The following HAO1 variants were observed in gnomAD, a reference collection of about 807,000 sequenced individuals.
HAO1 encodes 2-Hydroxyacid oxidase 1.
In HAO1, 34 loss-of-function variants were observed where a neutral mutation model predicts 39.7. That is an observed-to-expected ratio of 0.86 (90% CI 0.65 to 1.14). HAO1 has a LOEUF of 1.14. Ranked by LOEUF, HAO1 falls within the 50% of genes most tolerant of loss-of-function variation. The probability of loss-of-function intolerance (pLI) is 0.00; values close to 1 mark genes in which losing one functional copy is unlikely to be tolerated. For synonymous variants in HAO1, 172 were observed against 173.2 expected (o/e 0.99, Z 0.05); for missense variants, 479 against 464.5 (o/e 1.03, Z -0.29).
intron 1 of HAO1, among the ~76,000 whole-genome samples, chr20:7,936,547 T>TGTGTGTGTGTGTGTG (rs751822933): frequency 1.7e-3 from 233 of 136,516 alleles, no homozygotes; most frequent in East Asian, 4.5e-3. Flanking sequence ...TGTGTGTGTG[T>TGTGTGTGTGTGTGTG]TCGCGCGCGC....
At chr20:7,939,397 A>G (rs1406633521) in intron 1 of HAO1, among the ~76,000 whole-genome samples, 1 of 152,154 alleles carries the variant, frequency 6.6e-6, no homozygotes, top group Non-Finnish European at 1.5e-5. Context: ...ACTGATTTTG[A>G]GTGATTTTGT....
rs142058686 is a variant in HAO1 at position 7,934,523 on chromosome 20, G to T, written c.250C>A (p.Arg84Ser). 9.9e-6 allele frequency: 16 copies of T among 1,611,716 alleles called. No individual in the cohort carries two copies. In the Middle Eastern group the frequency reaches 4.9e-4, roughly 50 times the overall value. ...PICVGATAMQ[R>S]MAHVDGELAT... is the part of the protein sequence containing the mutation. ...AGCTCGCCGTCCACATGAGCCATGC[G>T]CTGCATGGCCGTAGCCCCCACACAT... The change falls in exon 2 of 8, where the codon CGC (arginine) becomes AGC (serine). Residue 84 changes from arginine (R) to serine (S), a missense_variant. Transcript: ENST00000378789.
At chr20:7,917,060 C>T (rs1273648783) in intron 2 of HAO1, among the ~76,000 whole-genome samples, 1 of 152,090 alleles carries the variant, frequency 6.6e-6, no homozygotes, top group Non-Finnish European at 1.5e-5. Flanking sequence ...TATGTCCTGG[C>T]CAGGGTTGGT....
chr20:7,929,716 T>A (rs1049568253), intron 2 of HAO1, among the ~76,000 whole-genome samples: 16 of 152,046 alleles, frequency 1.1e-4, no homozygotes, highest in African/African-American at 3.9e-4. Flanking sequence ...TACAAAAAAT[T>A]AGCCAGCCGT....
Position 7,932,287 on chromosome 20 carries a change from C to T in HAO1, c.289+2197G>A, listed in dbSNP as rs569569863. ...TAAATTACCCAGTCTCGAAGAGTAT[C>T]TTTAAATCAGTGTGAGAAGGAACTA... On this transcript the variant is annotated intron_variant, in intron 2 of 7. Transcript: ENST00000378789. Among the ~76,000 whole-genome samples the T allele has an allele frequency of 1.3e-5, 2 of 152,282 alleles. 1 individual carries two copies. Among genetic ancestry groups the T allele is most frequent in the African/African-American group, 4.8e-5 (2 of 41,566 alleles).
intron 3 of HAO1, among the ~76,000 whole-genome samples, chr20:7,911,358 C>A (rs2050278691): frequency 6.6e-6 from 1 of 152,204 alleles, no homozygotes; most frequent in African/African-American, 2.4e-5. Flanking sequence ...TTACCTTGAT[C>A]TTAGTCAATG....
At chr20:7,921,376 A>G (rs1478661080) in intron 2 of HAO1, among the ~76,000 whole-genome samples, 1 of 152,164 alleles carries the variant, frequency 6.6e-6, no homozygotes, top group Non-Finnish European at 1.5e-5. Flanking sequence ...TCTAATCATC[A>G]AAGAAATGCA....
chr20:7,884,598 C>T (rs1418455564), intron 7 of HAO1, among the ~76,000 whole-genome samples: 2 of 152,148 alleles, frequency 1.3e-5, no homozygotes, highest in Admixed American at 6.5e-5. Flanking sequence ...GAGCGAACAA[C>T]CATTGCAAAT....
intron 1 of HAO1, among the ~76,000 whole-genome samples, chr20:7,938,908 G>A (rs1331003292): frequency 1.3e-5 from 2 of 152,224 alleles, no homozygotes; most frequent in East Asian, 3.9e-4. Flanking sequence ...GTATACAAAT[G>A]AAATAAATAA....
chr20:7,886,327 C>T (rs1224917664), intron 5 of HAO1, among the ~76,000 whole-genome samples: 1 of 151,936 alleles, frequency 6.6e-6, no homozygotes, highest in East Asian at 1.9e-4. Flanking sequence ...GTGCCCACCA[C>T]CATGCCTAGC....
chr20:7,906,452 A>G (rs2050248733), intron 3 of HAO1, 123 bp from the exon 4 acceptor site: 5 of 634,332 alleles, frequency 7.9e-6, no homozygotes, highest in Non-Finnish European at 1.4e-5. Flanking sequence ...ATTTATCTAT[A>G]AGTCAATTGC....
At chr20:7,925,550 T>G (rs2050355212) in intron 2 of HAO1, among the ~76,000 whole-genome samples, 1 of 152,194 alleles carries the variant, frequency 6.6e-6, no homozygotes, top group Non-Finnish European at 1.5e-5. Context: ...TCTGTCATTT[T>G]ACTGAATTGT....
chr20:7,899,710 G>A (rs1568511509), intron 4 of HAO1, among the ~76,000 whole-genome samples: 1 of 152,142 alleles, frequency 6.6e-6, no homozygotes, highest in Non-Finnish European at 1.5e-5. Context: ...TGCTTATGCA[G>A]CCTCGTCCAC....
In HAO1 at chr20:7,883,004, A is replaced by G. The variant is rs1600102855; in HGVS notation, c.*589T>C. Reference sequence around the variant, plus strand: ...GATATATTCTTCCCAAAAATGCTTTATTTCTCTCTAAGAAGTAACATACAT... The same window carrying G: ...GATATATTCTTCCCAAAAATGCTTTGTTTCTCTCTAAGAAGTAACATACAT... On this transcript the variant is annotated 3_prime_UTR_variant, in exon 8 of 8. Coordinates refer to ENST00000378789, the MANE Select transcript of HAO1 (RefSeq NM_017545.3). 3 of 152,594 alleles carry G rather than the reference A, an allele frequency of 2.0e-5. No homozygotes were observed. The highest frequency in any genetic ancestry group is 4.4e-5 in the Non-Finnish European group (3 of 68,286). 9.5% of individuals were successfully genotyped at this position (152,594 alleles called of 1,614,324 possible).
At position 7,885,996 on chromosome 20, in the gene HAO1, T is replaced by C; in HGVS notation, c.814-132A>G. 4 of 644,156 alleles carry C rather than the reference T, an allele frequency of 6.2e-6. No individual in the cohort carries two copies. The South Asian group carries it at 6.5e-5, about 11-fold the overall frequency. 39.9% of individuals were successfully genotyped at this position (644,156 alleles called of 1,614,324 possible). ...AGCCAAGTAGGTTTGGGGTAAATGG[T>C]AAAATTATTTCCTTCTCAAAGAAGA... On this transcript the variant is annotated intron_variant, in intron 5 of 7. Coordinates refer to ENST00000378789, the MANE Select transcript of HAO1 (RefSeq NM_017545.3).
At chr20:7,890,892 G>A (rs1413237050) in intron 5 of HAO1, among the ~76,000 whole-genome samples, 1 of 152,074 alleles carries the variant, frequency 6.6e-6, no homozygotes, top group African/African-American at 2.4e-5. Flanking sequence ...CCTTTTTATG[G>A]CTGAGTAATA....
intron 5 of HAO1, among the ~76,000 whole-genome samples, chr20:7,886,586 A>G (rs6117978): frequency 0.02 from 3,099 of 152,314 alleles, 47 homozygotes; most frequent in Middle Eastern, 0.058. Context: ...CTAATAATAA[A>G]ACAACTTAGT....
At chr20:7,927,183 G>C (rs971602972) in intron 2 of HAO1, among the ~76,000 whole-genome samples, 1 of 152,100 alleles carries the variant, frequency 6.6e-6, no homozygotes, top group Non-Finnish European at 1.5e-5. Flanking sequence ...AAATGGTATA[G>C]TAAGCATTTT....
At chr20:7,938,679 G>A (rs1461948713) in intron 1 of HAO1, among the ~76,000 whole-genome samples, 1 of 151,878 alleles carries the variant, frequency 6.6e-6, no homozygotes, top group African/African-American at 2.4e-5. Context: ...ACCTCCACTT[G>A]GCCAACTATT....
Sources: gnomAD v4.1 joint callset for allele counts (sites outside exome capture counted in the v4.1 genomes callset) on GRCh38, gnomAD v4.1.1 for gene constraint, MANE v1.5 for transcripts, NCBI Gene and HGNC (gene_info 2026-07-23, HGNC 2026-07-21) for gene names.